NPSR1: variants seen among roughly 807,000 people sequenced by gnomAD.
NPSR1 encodes the protein neuropeptide S receptor 1.
A neutral mutation model predicts 46.9 loss-of-function variants in NPSR1; 48 were observed. The observed-to-expected ratio is 1.02, with a 90% confidence interval of 0.81 to 1.30. The LOEUF (loss-of-function observed/expected upper bound fraction) is 1.30. NPSR1 is among the 50% of genes most tolerant of loss of function. The probability of loss-of-function intolerance (pLI) is 0.00; values close to 1 mark genes in which losing one functional copy is unlikely to be tolerated. For synonymous variants in NPSR1, 176 were observed against 168.1 expected, an observed-to-expected ratio of 1.05 and a Z score of -0.36; for missense variants, 450 against 449.5, an observed-to-expected ratio of 1.00 and a Z score of -0.01.
At chr7:34,799,193 T>G (rs2128746968) in intron 3 of NPSR1, among the ~76,000 whole-genome samples, 1 of 152,252 alleles carries the variant, frequency 6.6e-6, no homozygotes. Flanking sequence ...TTAGCTTTAC[T>G]TAGCCATTCC....
chr7:34,841,785 C>T (rs189082367), intron 6 of NPSR1, among the ~76,000 whole-genome samples: 2 of 152,278 alleles, frequency 1.3e-5, no homozygotes, highest in African/African-American at 4.8e-5. Flanking sequence ...TTTCAGAGCA[C>T]AAATGTCATT....
chr7:34,796,322 G>T (rs988663610), intron 3 of NPSR1, among the ~76,000 whole-genome samples: 5 of 151,966 alleles, frequency 3.3e-5, no homozygotes, highest in Non-Finnish European at 7.4e-5. Context: ...ATGAAAAAAA[G>T]AACTGATAAG....
chr7:34,713,798 C>A (rs80355083), intron 2 of NPSR1, among the ~76,000 whole-genome samples: 7,671 of 152,290 alleles, frequency 0.05, 253 homozygotes, highest in Middle Eastern at 0.082. Flanking sequence ...CCAGGCCTGT[C>A]CCGGATCCCT....
intron 1 of NPSR1, among the ~76,000 whole-genome samples, chr7:34,679,501 C>T (rs992777526): frequency 3.3e-5 from 5 of 150,770 alleles, no homozygotes; most frequent in Admixed American, 1.3e-4. Flanking sequence ...ACTTATCATC[C>T]GAGTGTTTTG....
chr7:34,744,950 G>C (rs34978060), intron 2 of NPSR1, among the ~76,000 whole-genome samples: 3,752 of 152,154 alleles, frequency 0.025, 149 homozygotes, highest in African/African-American at 0.085. Flanking sequence ...AAACAATATA[G>C]TATAACAACA....
At chr7:34,833,171 C>T (rs984920262) in intron 5 of NPSR1, among the ~76,000 whole-genome samples, 3 of 152,126 alleles carry the variant, frequency 2.0e-5, no homozygotes, top group Admixed American at 2.0e-4. Flanking sequence ...AACTGAAGCT[C>T]TGATTTTTTA....
At chr7:34,836,780 A>C (rs1790392532) in intron 6 of NPSR1, among the ~76,000 whole-genome samples, 1 of 152,140 alleles carries the variant, frequency 6.6e-6, no homozygotes, top group East Asian at 1.9e-4. Flanking sequence ...GAAAGAAAAA[A>C]ATATAGGAAA....
chr7:34,777,098 A>G (rs906349569), intron 2 of NPSR1, among the ~76,000 whole-genome samples: 5 of 152,134 alleles, frequency 3.3e-5, no homozygotes, highest in Admixed American at 2.0e-4. Context: ...TCAGTAGTCC[A>G]TGTGCCTCCC....
intron 8 of NPSR1, among the ~76,000 whole-genome samples, chr7:34,865,294 A>G (rs1346923894): frequency 6.6e-6 from 1 of 151,754 alleles, no homozygotes; most frequent in Non-Finnish European, 1.5e-5. Context: ...CACCCACAAA[A>G]TCTCTGGAAG....
At chr7:34,712,981 GA>G (rs1206572700) in intron 2 of NPSR1, among the ~76,000 whole-genome samples, 3 of 152,156 alleles carry the variant, frequency 2.0e-5, no homozygotes, top group African/African-American at 7.2e-5. Context: ...TAAATGGGGG[GA>G]AAAGTCCTCT....
chr7:34,844,568 G>A (rs1325397564), intron 6 of NPSR1, among the ~76,000 whole-genome samples: 2 of 152,286 alleles, frequency 1.3e-5, no homozygotes, highest in East Asian at 3.9e-4. Context: ...GGCTTAGAGA[G>A]TAGCACTCCT....
At chr7:34,845,004 G>A (rs1790695087) in intron 7 of NPSR1, 22 bp downstream of exon 7, 1 of 1,553,636 alleles carries the variant, frequency 6.4e-7, no homozygotes, top group South Asian at 1.1e-5. Flanking sequence ...CCCTCCTTGA[G>A]CTGTAAAGTG....
intron 1 of NPSR1, among the ~76,000 whole-genome samples, chr7:34,669,568 CAA>C (rs540666804): frequency 3.7e-5 from 5 of 133,636 alleles, no homozygotes; most frequent in Admixed American, 7.7e-5. Context: ...GACTCTGTTT[CAA>C]AAAAAAAAAA....
chr7:34,725,278 A>G (rs1391974923), intron 2 of NPSR1, among the ~76,000 whole-genome samples: 2 of 152,202 alleles, frequency 1.3e-5, no homozygotes, highest in African/African-American at 4.8e-5. Flanking sequence ...TTAAGATACT[A>G]TAGCCAAAAT....
intron 8 of NPSR1, among the ~76,000 whole-genome samples, chr7:34,864,522 A>T (rs1791265772): frequency 6.6e-6 from 1 of 151,830 alleles, no homozygotes; most frequent in Non-Finnish European, 1.5e-5. Context: ...AAAGATATTA[A>T]ACCCCAAAGG....
intron 6 of NPSR1, among the ~76,000 whole-genome samples, chr7:34,838,429 G>C (rs1790451708): frequency 6.6e-6 from 1 of 152,192 alleles, no homozygotes; most frequent in Admixed American, 6.5e-5. Context: ...ATTCTCAGAA[G>C]CTTATATGCT....
At chr7:34,746,384 T>C (rs183472286) in intron 2 of NPSR1, among the ~76,000 whole-genome samples, 1 of 152,352 alleles carries the variant, frequency 6.6e-6, no homozygotes, top group Admixed American at 6.5e-5. Flanking sequence ...TTTATCATTA[T>C]CATATGGTAT....
intron 1 of NPSR1, among the ~76,000 whole-genome samples, chr7:34,660,757 C>T (rs1382567191): frequency 3.3e-5 from 5 of 152,120 alleles, no homozygotes; most frequent in Non-Finnish European, 5.9e-5. Context: ...TCTTTCCTTC[C>T]GGTCCTGCCT....
intron 2 of NPSR1, among the ~76,000 whole-genome samples, chr7:34,740,887 A>G (rs893038804): frequency 6.6e-6 from 1 of 152,184 alleles, no homozygotes; most frequent in Admixed American, 6.5e-5. Flanking sequence ...TGCTCTGTCC[A>G]TCTAAGTGAC....
Sources: allele counts gnomAD v4.1 joint callset (sites outside exome capture counted in the v4.1 genomes callset), GRCh38; gene constraint gnomAD v4.1.1; transcripts MANE v1.5; gene names NCBI Gene and HGNC (gene_info 2026-07-23, HGNC 2026-07-21).